Variants in TNRC6B observed in about 807,000 individuals in gnomAD.
TNRC6B encodes the protein trinucleotide repeat containing adaptor 6B.
In TNRC6B, 52 loss-of-function variants were observed where a neutral mutation model predicts 203.6. The observed-to-expected ratio is 0.26, with a 90% CI of 0.20 to 0.32. The LOEUF is 0.32. Ranked by LOEUF, TNRC6B falls within the 10% of genes least tolerant of loss-of-function variation. TNRC6B has a pLI of 1.00. For missense variants in TNRC6B, 1,923 were observed against 2,286.2 expected (o/e 0.84, Z 3.24); for synonymous variants, 838 against 845.7 (o/e 0.99, Z 0.16).
At chr22:40,160,574 A>T (rs2068863597) in intron 4 of TNRC6B, among the ~76,000 whole-genome samples, 1 of 151,332 alleles carries the variant, frequency 6.6e-6, no homozygotes, top group Non-Finnish European at 1.5e-5. Context: ...CTTTATTTTT[A>T]TTGGTTGATT....
intron 3 of TNRC6B, among the ~76,000 whole-genome samples, chr22:40,253,182 C>T (rs886915649): frequency 1.3e-4 from 19 of 150,910 alleles, no homozygotes; most frequent in African/African-American, 4.4e-4. Context: ...CCCGGGTTCA[C>T]GCCATTCTCC....
chr22:40,242,179 AGTGTGTGT>A (rs58498001), intron 1 of TNRC6B, among the ~76,000 whole-genome samples: 47,655 of 149,458 alleles, frequency 0.32, 9,077 homozygotes, highest in East Asian at 0.56. Context: ...AGGGAATAAG[AGTGTGTGT>A]GTGTGTGTGT....
At chr22:40,249,319 A>C (rs1467843344) in intron 2 of TNRC6B, among the ~76,000 whole-genome samples, 1 of 152,242 alleles carries the variant, frequency 6.6e-6, no homozygotes, top group Non-Finnish European at 1.5e-5. Context: ...ATTTTCTTGA[A>C]GAATTGACAC....
At chr22:40,318,281 C>T (rs371907151) in intron 21 of TNRC6B, among the ~76,000 whole-genome samples, 5 of 152,158 alleles carry the variant, frequency 3.3e-5, no homozygotes, top group South Asian at 2.1e-4. Flanking sequence ...GGCACGGTGG[C>T]TCACACCTGT....
intron 1 of TNRC6B, 130 bp downstream of exon 1, chr22:40,178,270 G>GA: frequency 3.9e-6 from 4 of 1,026,484 alleles, no homozygotes; most frequent in Non-Finnish European, 5.8e-6. Context: ...TCGTGGATCT[G>GA]TGTAAATCAG....
chr22:40,180,416 T>C (rs1166646491), intron 1 of TNRC6B, among the ~76,000 whole-genome samples: 1 of 152,222 alleles, frequency 6.6e-6, no homozygotes. Context: ...CCTGCTGTCT[T>C]AGGCAGAACA....
intron 1 of TNRC6B, among the ~76,000 whole-genome samples, chr22:40,088,559 C>T (rs1423778212): frequency 6.7e-6 from 1 of 149,732 alleles, no homozygotes; most frequent in Non-Finnish European, 1.5e-5. Context: ...TTATAGGCAC[C>T]TGCCACCATG....
intron 1 of TNRC6B, among the ~76,000 whole-genome samples, chr22:40,107,403 G>A (rs2068295324): frequency 6.6e-6 from 1 of 152,060 alleles, no homozygotes; most frequent in Non-Finnish European, 1.5e-5. Flanking sequence ...TTCATTACCT[G>A]GTTTACCATT....
intron 22 of TNRC6B, among the ~76,000 whole-genome samples, chr22:40,322,291 G>T (rs2071344285): frequency 6.6e-6 from 1 of 152,208 alleles, no homozygotes; most frequent in Non-Finnish European, 1.5e-5. Context: ...TGCCACACAT[G>T]AATAGCCTCC....
In TNRC6B at chr22:40,273,412, T is replaced by C. The variant is rs760876885; in HGVS notation, c.2966-13T>C. The C allele has an allele frequency of 5.7e-6, 9 of 1,585,806 alleles. No individual in the cohort carries two copies. In the East Asian group the frequency reaches 1.4e-4, roughly 24 times the overall value. ...TAGCTGTTGCAAAGAGTTAATTCAT[T>C]CTTTCCTTAAAGATTCCAAATCTAT... On this transcript the variant is annotated splice_polypyrimidine_tract_variant and intron_variant, in intron 6 of 22. Coordinates refer to ENST00000454349, the MANE Select transcript of TNRC6B (RefSeq NM_001162501.2).
At chr22:40,124,439 C>T (rs1244402136) in intron 2 of TNRC6B, among the ~76,000 whole-genome samples, 1 of 151,726 alleles carries the variant, frequency 6.6e-6, no homozygotes, top group Non-Finnish European at 1.5e-5. Context: ...CCTCCCACCT[C>T]AGCCTCTCAA....
At chr22:40,228,281 T>C (rs2069819601) in intron 1 of TNRC6B, among the ~76,000 whole-genome samples, 1 of 151,548 alleles carries the variant, frequency 6.6e-6, no homozygotes, top group Non-Finnish European at 1.5e-5. Flanking sequence ...TACTAAAAAA[T>C]TAGCCAGGTG....
intron 1 of TNRC6B, among the ~76,000 whole-genome samples, chr22:40,048,312 A>T (rs3180142): frequency 1.3e-5 from 2 of 152,180 alleles, no homozygotes; most frequent in Admixed American, 6.5e-5. Context: ...AGGCCGAGTC[A>T]GGTGGATCAC....
chr22:40,254,633 A>C (rs1050422004), intron 3 of TNRC6B, among the ~76,000 whole-genome samples: 1 of 152,226 alleles, frequency 6.6e-6, no homozygotes, highest in Non-Finnish European at 1.5e-5. Flanking sequence ...CACGCCTGTA[A>C]TGCCAACACT....
At chr22:40,160,772 G>A (rs758333309) in intron 4 of TNRC6B, among the ~76,000 whole-genome samples, 16 of 151,868 alleles carry the variant, frequency 1.1e-4, no homozygotes, top group Non-Finnish European at 2.1e-4. Flanking sequence ...CTATGTTGCC[G>A]AGGCTGGTCT....
At chr22:40,177,895 A>G (rs1278936597), upstream of TNRC6B, 35 of 1,345,512 alleles carry the variant, frequency 2.6e-5, no homozygotes, top group Middle Eastern at 2.7e-4. Flanking sequence ...ATCTGCCTCT[A>G]TTTGAAGGTC....
Position 40,300,625 on chromosome 22 carries a change from T to C in TNRC6B, c.3840+39T>C, listed in dbSNP as rs764047626. 4.4e-6 allele frequency: 7 copies of C among 1,582,144 alleles called. No individual in the cohort carries two copies. In the South Asian group the frequency reaches 5.9e-5, roughly 13 times the overall value. On this transcript the variant is annotated intron_variant, in intron 13 of 22. Coordinates refer to ENST00000454349, the MANE Select transcript of TNRC6B (RefSeq NM_001162501.2). ...TTTCTTCCTGTGGCTAAAAAGGTCA[T>C]TTGCTTTTTTTTTTTCTTTAGCTTT...
At chr22:40,225,998 G>A (rs2069780579) in intron 1 of TNRC6B, among the ~76,000 whole-genome samples, 1 of 152,152 alleles carries the variant, frequency 6.6e-6, no homozygotes, top group South Asian at 2.1e-4. Flanking sequence ...AATGCTGTAT[G>A]TAAATCACTT....
chr22:40,254,609 C>T (rs1005034824), intron 3 of TNRC6B, among the ~76,000 whole-genome samples: 4 of 152,160 alleles, frequency 2.6e-5, no homozygotes, highest in South Asian at 4.1e-4. Context: ...ATTAATAGGC[C>T]GAGCGCGGTG....
Sources: gnomAD v4.1 joint callset for allele counts (sites outside exome capture counted in the v4.1 genomes callset) on GRCh38, gnomAD v4.1.1 for gene constraint, MANE v1.5 for transcripts, NCBI Gene and HGNC (gene_info 2026-07-23, HGNC 2026-07-21) for gene names.